Variants in FGF13 observed in about 807,000 individuals in gnomAD.
FGF13 encodes fibroblast growth factor homologous factor 2.
FGF13 carries 2 observed loss-of-function variants against 19.5 expected under a neutral mutation model. The observed-to-expected ratio is 0.10, with a 90% CI of 0.04 to 0.32. The LOEUF is 0.32. Among genes scored for constraint, FGF13 ranks in the 10% least tolerant of loss-of-function variants. The pLI, the probability that FGF13 is intolerant of heterozygous loss-of-function variation, is 1.00. For synonymous variants in FGF13, 72 were observed against 76.9 expected, an observed-to-expected ratio of 0.94 and a Z score of 0.33; for missense variants, 113 against 192.7, an observed-to-expected ratio of 0.59 and a Z score of 2.45.
intron 2 of FGF13, among the ~76,000 whole-genome samples, chrX:138,862,224 G>T (rs187554101): frequency 8.9e-6 from 1 of 111,844 alleles, no homozygotes; most frequent in African/African-American, 3.2e-5. Flanking sequence ...ACTGTAATTC[G>T]CAAGGTTTGC....
At chrX:138,767,429 G>A (rs1186999456) in intron 3 of FGF13, among the ~76,000 whole-genome samples, 1 of 111,419 alleles carries the variant, frequency 9.0e-6, no homozygotes, top group Non-Finnish European at 1.9e-5. Flanking sequence ...GGAGGTCTAG[G>A]ATGTGGCCTG....
chrX:139,031,070 C>T (rs2092224863), intron 1 of FGF13, among the ~76,000 whole-genome samples: 1 of 111,619 alleles, frequency 9.0e-6, no homozygotes, highest in South Asian at 3.7e-4. Flanking sequence ...GACAATTTGG[C>T]TACAAAGTGC....
At chrX:138,802,234 G>T (rs2090835012) in intron 3 of FGF13, among the ~76,000 whole-genome samples, 1 of 112,390 alleles carries the variant, frequency 8.9e-6, no homozygotes, top group Non-Finnish European at 1.9e-5. Flanking sequence ...CGGCCCTGGT[G>T]GTGTAAGCAC....
At chrX:139,012,276 A>C (rs932173593) in intron 1 of FGF13, among the ~76,000 whole-genome samples, 27 of 111,655 alleles carry the variant, frequency 2.4e-4, no homozygotes, top group African/African-American at 8.8e-4. Flanking sequence ...CACCAAAAGC[A>C]ATCTACAAAT....
upstream of FGF13, among the ~76,000 whole-genome samples, chrX:138,713,136 A>G (rs1213443136): frequency 5.3e-5 from 6 of 112,284 alleles, no homozygotes; most frequent in Non-Finnish European, 1.1e-4. Context: ...AGGGTCTGAC[A>G]TTTTCTACCT....
At chrX:138,943,456 G>T (rs1367537803) in intron 1 of FGF13, among the ~76,000 whole-genome samples, 3 of 111,890 alleles carry the variant, frequency 2.7e-5, no homozygotes, top group Non-Finnish European at 3.8e-5. Context: ...TCCCAAATAT[G>T]AATTCCTATG....
At chrX:139,197,762 C>T (rs1368117214) in intron 1 of FGF13, among the ~76,000 whole-genome samples, 2 of 110,781 alleles carry the variant, frequency 1.8e-5, no homozygotes, top group Admixed American at 1.9e-4. Flanking sequence ...GAGGCCGAGG[C>T]GGGTGGATCG....
chrX:139,104,713 CA>C (rs1261694119), intron 1 of FGF13, among the ~76,000 whole-genome samples: 1 of 110,660 alleles, frequency 9.0e-6, no homozygotes, highest in Non-Finnish European at 1.9e-5. Flanking sequence ...AGGTTGAAAA[CA>C]AACAACTACC....
chrX:138,974,413 T>C (rs2124322410), intron 1 of FGF13, among the ~76,000 whole-genome samples: 1 of 111,576 alleles, frequency 9.0e-6, no homozygotes, highest in African/African-American at 3.3e-5. Context: ...TGTGATTTTA[T>C]TCATTTTATA....
At chrX:138,991,382 T>C (rs2092015137) in intron 1 of FGF13, among the ~76,000 whole-genome samples, 1 of 112,204 alleles carries the variant, frequency 8.9e-6, no homozygotes, top group East Asian at 2.8e-4. Context: ...ACACATATCT[T>C]GCAAGAGATA....
intron 1 of FGF13, among the ~76,000 whole-genome samples, chrX:138,952,373 T>C (rs367829969): frequency 1.1e-4 from 12 of 111,952 alleles, no homozygotes; most frequent in African/African-American, 3.9e-4. Flanking sequence ...CTGGCTAGCA[T>C]ATATAGAAAG....
intron 1 of FGF13, among the ~76,000 whole-genome samples, chrX:138,998,792 C>A (rs1261493103): frequency 1.8e-5 from 2 of 111,482 alleles, no homozygotes; most frequent in Non-Finnish European, 3.8e-5. Context: ...AGAAAATTAA[C>A]AAGGATATCC....
At chrX:139,162,320 G>A (rs1476695903) in intron 1 of FGF13, among the ~76,000 whole-genome samples, 1 of 112,153 alleles carries the variant, frequency 8.9e-6, no homozygotes, top group African/African-American at 3.2e-5. Context: ...TTCAATAAAT[G>A]GTGTTGGGAA....
intron 1 of FGF13, among the ~76,000 whole-genome samples, chrX:138,931,166 G>C (rs1027957830): frequency 8.9e-6 from 1 of 112,343 alleles, no homozygotes; most frequent in African/African-American, 3.2e-5. Flanking sequence ...TGCTGTAGGA[G>C]ATACCAGAAT....
chrX:139,029,282 G>A (rs2092217038), intron 1 of FGF13, among the ~76,000 whole-genome samples: 1 of 111,800 alleles, frequency 8.9e-6, no homozygotes, highest in Admixed American at 9.5e-5. Context: ...TCTGGAAGGT[G>A]TACCCTCTCT....
intron 1 of FGF13, among the ~76,000 whole-genome samples, chrX:139,004,406 T>TCCCTCCACACCTCC (rs2092091418): frequency 8.9e-6 from 1 of 112,316 alleles, no homozygotes; most frequent in Admixed American, 9.3e-5. Flanking sequence ...CTCGCGCCTC[T>TCCCTCCACACCTCC]CCCTCCACAC....
chrX:139,190,792 G>T (rs2084322250), intron 1 of FGF13, among the ~76,000 whole-genome samples: 1 of 111,580 alleles, frequency 9.0e-6, no homozygotes, highest in African/African-American at 3.3e-5. Context: ...AAATAAAAAA[G>T]ATAATAATCC....
intron 1 of FGF13, among the ~76,000 whole-genome samples, chrX:138,959,714 G>A (rs2091859478): frequency 9.0e-6 from 1 of 111,639 alleles, no homozygotes; most frequent in Non-Finnish European, 1.9e-5. Flanking sequence ...CCTATATTGG[G>A]TGCATATATA....
At chrX:138,784,855 A>G (rs1047547246) in intron 3 of FGF13, among the ~76,000 whole-genome samples, 7 of 111,647 alleles carry the variant, frequency 6.3e-5, no homozygotes. Context: ...GCAAAGCCCC[A>G]ACTCTAGTTA....
Sources: allele counts gnomAD v4.1 joint callset (sites outside exome capture counted in the v4.1 genomes callset), GRCh38; gene constraint gnomAD v4.1.1; transcripts MANE v1.5; gene names NCBI Gene and HGNC (gene_info 2026-07-23, HGNC 2026-07-21).